Variants in TOM1L1 observed in about 807,000 individuals in gnomAD.
TOM1L1 encodes the protein target of myb1 like 1 membrane trafficking protein.
In TOM1L1, 64 loss-of-function variants were observed where a neutral mutation model predicts 63.4. The observed-to-expected ratio is 1.01, with a 90% CI of 0.83 to 1.24. The LOEUF is 1.24. Ranked by LOEUF, TOM1L1 falls within the 50% of genes most tolerant of loss-of-function variation. TOM1L1 has a pLI of 0.00. For synonymous variants in TOM1L1, 166 were observed against 194.4 expected (o/e 0.85, Z 1.22); for missense variants, 536 against 567.0 (o/e 0.95, Z 0.55).
chr17:54,930,786 G>A (rs1286021281), intron 8 of TOM1L1, among the ~76,000 whole-genome samples: 7 of 152,134 alleles, frequency 4.6e-5, no homozygotes, highest in Admixed American at 3.9e-4. Flanking sequence ...AGGTTGTGGT[G>A]AGCCAAGATC....
intron 11 of TOM1L1, among the ~76,000 whole-genome samples, chr17:54,946,077 C>T (rs567946457): frequency 1.3e-5 from 2 of 152,276 alleles, no homozygotes; most frequent in East Asian, 1.9e-4. Context: ...CTTCTATGGG[C>T]GGTGGCTCCA....
At chr17:54,956,511 T>C (rs1282694892) in intron 14 of TOM1L1, among the ~76,000 whole-genome samples, 1 of 152,164 alleles carries the variant, frequency 6.6e-6, no homozygotes, top group Non-Finnish European at 1.5e-5. Flanking sequence ...TTTTGCCACG[T>C]TGCCCAGGCT....
At chr17:54,935,521 A>G (rs1225121794) in intron 8 of TOM1L1, among the ~76,000 whole-genome samples, 1 of 152,100 alleles carries the variant, frequency 6.6e-6, no homozygotes, top group African/African-American at 2.4e-5. Context: ...TTCTAAAGCA[A>G]ATCTCAGTTT....
chr17:54,920,946 A>C (rs962759229), intron 7 of TOM1L1, among the ~76,000 whole-genome samples: 4 of 134,588 alleles, frequency 3.0e-5, no homozygotes, highest in Non-Finnish European at 4.8e-5. Context: ...CTCCACCAAG[A>C]ACCGACGCTG....
At chr17:54,924,269 T>A (rs1450645695) in intron 7 of TOM1L1, among the ~76,000 whole-genome samples, 1 of 147,590 alleles carries the variant, frequency 6.8e-6, no homozygotes, top group Non-Finnish European at 1.5e-5. Flanking sequence ...TCTTTTTCTT[T>A]TCTTTTCTTT....
chr17:54,922,952 G>T lies in TOM1L1; in HGVS notation c.720+7090G>T, dbSNP rs146736895. Among the ~76,000 whole-genome samples the T allele has an allele frequency of 2.6e-5, 4 of 152,254 alleles. No homozygotes were observed. The East Asian group carries it at 7.7e-4, about 29-fold the overall frequency. On this transcript the variant is annotated intron_variant, in intron 7 of 15. Transcript: ENST00000575882. ...CAGATAACCACCAATCTGGTTCTGT[G>T]TCTGTGGATTTACCTGTTCTGGACA...
intron 7 of TOM1L1, chr17:54,917,326 A>T (rs1042764264): frequency 1.1e-4 from 16 of 152,078 alleles, no homozygotes; most frequent in African/African-American, 3.9e-4. Flanking sequence ...TTTCTTTTAT[A>T]CTTTTCATTT....
At chr17:54,957,040 G>A (rs1482054482) in intron 14 of TOM1L1, 2 of 152,240 alleles carry the variant, frequency 1.3e-5, no homozygotes, top group Non-Finnish European at 2.9e-5. Context: ...GTCATGAACT[G>A]GTTTAAACCA....
At chr17:54,938,210 G>A (rs2048980744) in intron 10 of TOM1L1, among the ~76,000 whole-genome samples, 1 of 152,042 alleles carries the variant, frequency 6.6e-6, no homozygotes, top group Admixed American at 6.6e-5. Context: ...TTATGGCCTG[G>A]AGGCCAGGCA....
chr17:54,902,280 TG>T (rs1478819055), intron 1 of TOM1L1, among the ~76,000 whole-genome samples: 2 of 152,116 alleles, frequency 1.3e-5, no homozygotes, highest in Non-Finnish European at 2.9e-5. Context: ...TCAAGTTTTT[TG>T]TTGTTGTTGT....
At chr17:54,939,466 G>T (rs1331636838) in intron 11 of TOM1L1, among the ~76,000 whole-genome samples, 1 of 152,186 alleles carries the variant, frequency 6.6e-6, no homozygotes, top group Non-Finnish European at 1.5e-5. Flanking sequence ...TCAAAATTAA[G>T]AGTAATGGCC....
At chr17:54,939,778 G>A (rs2049007398) in intron 11 of TOM1L1, among the ~76,000 whole-genome samples, 1 of 152,088 alleles carries the variant, frequency 6.6e-6, no homozygotes, top group South Asian at 2.1e-4. Flanking sequence ...GCCCAAGCTG[G>A]TCTTGAACTC....
intron 9 of TOM1L1, 79 bp downstream of exon 9, chr17:54,936,788 A>G: frequency 1.6e-6 from 2 of 1,253,516 alleles, no homozygotes; most frequent in South Asian, 2.7e-5. Flanking sequence ...TACCTAAAAC[A>G]AGTCTTAAAA....
chr17:54,951,710 C>T (rs987735341), intron 14 of TOM1L1, among the ~76,000 whole-genome samples: 1 of 152,184 alleles, frequency 6.6e-6, no homozygotes, highest in African/African-American at 2.4e-5. Flanking sequence ...TTCTGGACTT[C>T]TAGATCATTT....
chr17:54,936,136 A>AT (rs1158527789), intron 8 of TOM1L1, among the ~76,000 whole-genome samples: 2 of 152,060 alleles, frequency 1.3e-5, no homozygotes, highest in Admixed American at 1.3e-4. Context: ...AAAAAAAAAA[A>AT]CCACAGTGAA....
intron 2 of TOM1L1, among the ~76,000 whole-genome samples, chr17:54,904,799 A>G (rs902722810): frequency 6.6e-6 from 1 of 152,254 alleles, no homozygotes; most frequent in Non-Finnish European, 1.5e-5. Context: ...GCAGTAAAAG[A>G]GATTTAGTCT....
At chr17:54,946,661 A>T (rs1439683044) in intron 11 of TOM1L1, among the ~76,000 whole-genome samples, 1 of 152,190 alleles carries the variant, frequency 6.6e-6, no homozygotes, top group Non-Finnish European at 1.5e-5. Flanking sequence ...TTGAGTGAGA[A>T]TGAGAACCCT....
intron 8 of TOM1L1, among the ~76,000 whole-genome samples, chr17:54,931,788 G>A (rs1380194458): frequency 6.6e-6 from 1 of 152,026 alleles, no homozygotes; most frequent in Non-Finnish European, 1.5e-5. Context: ...GGGTGACAGA[G>A]TGAGACCCTG....
At chr17:54,934,848 G>A (rs1042387075) in intron 8 of TOM1L1, among the ~76,000 whole-genome samples, 1 of 151,996 alleles carries the variant, frequency 6.6e-6, no homozygotes, top group Non-Finnish European at 1.5e-5. Context: ...CTCCCTGGTA[G>A]CTGGAATTAG....
Sources: gnomAD v4.1 joint callset for allele counts (sites outside exome capture counted in the v4.1 genomes callset) on GRCh38, gnomAD v4.1.1 for gene constraint, MANE v1.5 for transcripts, NCBI Gene and HGNC (gene_info 2026-07-23, HGNC 2026-07-21) for gene names.